Variants in AK8 observed in about 807,000 individuals in gnomAD.
AK8 encodes ATP-AMP transphosphorylase 8.
A neutral mutation model predicts 54.6 loss-of-function variants in AK8; 44 were observed. That is an observed-to-expected ratio of 0.81 (90% CI 0.63 to 1.04). The LOEUF is 1.04. AK8 is among the 50% of genes least tolerant of loss of function. The pLI is 0.00. For synonymous variants in AK8, 239 were observed against 245.6 expected (o/e 0.97, Z 0.25); for missense variants, 555 against 613.6 (o/e 0.90, Z 1.01).
At chr9:132,839,667 T>A (rs1469071798) in intron 5 of AK8, among the ~76,000 whole-genome samples, 1 of 152,196 alleles carries the variant, frequency 6.6e-6, no homozygotes, top group East Asian at 1.9e-4. Flanking sequence ...GCTCTGAGCC[T>A]CACAGTTAAG....
intron 5 of AK8, among the ~76,000 whole-genome samples, chr9:132,841,303 G>A (rs915424399): frequency 1.8e-4 from 27 of 152,176 alleles, no homozygotes; most frequent in Admixed American, 1.8e-3. Context: ...CACGTGTGGA[G>A]CCCATAAGAA....
chr9:132,865,875 T>C (rs967496835), intron 3 of AK8, among the ~76,000 whole-genome samples: 18 of 151,576 alleles, frequency 1.2e-4, no homozygotes, highest in African/African-American at 4.1e-4. Context: ...CTCAGATGAA[T>C]GAAATTTTAA....
intron 3 of AK8, among the ~76,000 whole-genome samples, chr9:132,866,642 G>A (rs1843609437): frequency 6.6e-6 from 1 of 152,166 alleles, no homozygotes; most frequent in Admixed American, 6.5e-5. Flanking sequence ...CGTGTATGCA[G>A]GCCAGAAAAA....
chr9:132,757,760 CTCTA>C (rs936903944), intron 11 of AK8, among the ~76,000 whole-genome samples: 15 of 152,160 alleles, frequency 9.9e-5, no homozygotes, highest in East Asian at 3.8e-4. Flanking sequence ...TACTGAAATA[CTCTA>C]TCTGTCTATC....
At chr9:132,730,631 G>A in intron 11 of AK8, among the ~76,000 whole-genome samples, 1 of 152,078 alleles carries the variant, frequency 6.6e-6, no homozygotes, top group Non-Finnish European at 1.5e-5. Context: ...AGGGGCATTG[G>A]AGGGAGCCCA....
intron 11 of AK8, among the ~76,000 whole-genome samples, chr9:132,744,942 T>C (rs189006043): frequency 1.4e-3 from 220 of 152,336 alleles, no homozygotes; most frequent in Non-Finnish European, 2.4e-3. Flanking sequence ...AGCCTCCATA[T>C]GAATCCGCCA....
chr9:132,835,072 G>A (rs1231115272), intron 5 of AK8, among the ~76,000 whole-genome samples: 3 of 152,106 alleles, frequency 2.0e-5, no homozygotes, highest in African/African-American at 7.2e-5. Context: ...GGGTTTCCCC[G>A]TGTTAGCCAG....
intron 9 of AK8, among the ~76,000 whole-genome samples, chr9:132,822,302 T>TATATACATATATGTGTATGTATATACAA (rs1841675685): frequency 6.9e-6 from 1 of 145,592 alleles, no homozygotes; most frequent in African/African-American, 2.5e-5. Flanking sequence ...TATATACAAA[T>TATATACATATATGTGTATGTATATACAA]ATATACATAT....
chr9:132,754,663 T>C (rs933495480), intron 11 of AK8, among the ~76,000 whole-genome samples: 12 of 152,176 alleles, frequency 7.9e-5, no homozygotes, highest in Non-Finnish European at 1.8e-4. Context: ...CAAGGGCAGC[T>C]TCTCCTCCTC....
At chr9:132,800,820 A>G (rs188741047) in intron 10 of AK8, among the ~76,000 whole-genome samples, 58 of 151,680 alleles carry the variant, frequency 3.8e-4, no homozygotes, top group African/African-American at 1.4e-3. Flanking sequence ...TACCATGTCT[A>G]CTCAGGCAAA....
chr9:132,787,862 T>C (rs1839782479), intron 11 of AK8, among the ~76,000 whole-genome samples: 1 of 152,108 alleles, frequency 6.6e-6, no homozygotes, highest in African/African-American at 2.4e-5. Context: ...CTTTGTCAAA[T>C]CAAGGGGGTA....
At chr9:132,851,573 T>C (rs1458523541) in intron 5 of AK8, among the ~76,000 whole-genome samples, 2 of 152,244 alleles carry the variant, frequency 1.3e-5, no homozygotes, top group African/African-American at 4.8e-5. Flanking sequence ...CGTGTGGGCC[T>C]GACCCTAAAC....
intron 11 of AK8, among the ~76,000 whole-genome samples, chr9:132,754,947 G>A (rs1246229069): frequency 1.3e-5 from 2 of 151,972 alleles, no homozygotes; most frequent in African/African-American, 4.8e-5. Context: ...TTACAGGCAT[G>A]TGCCACCACG....
chr9:132,774,540 T>C (rs61281423), intron 11 of AK8, among the ~76,000 whole-genome samples: 3,115 of 152,186 alleles, frequency 0.02, 91 homozygotes, highest in African/African-American at 0.068. Flanking sequence ...GTAAGGAAGA[T>C]GGAAAATTGA....
Position 132,803,619 on chromosome 9 carries a change from C to A in AK8, c.980-10844G>T, listed in dbSNP as rs1840571333. On this transcript the variant is annotated intron_variant, in intron 10 of 12. Transcript: ENST00000298545. The surrounding 1 kb of genome is among the most constrained non-coding windows in gnomAD (Gnocchi z 4.4). ...AAAGCTCGCCTTACAGATGGGAAAACTGAAGGGAGCTCTGAGGGGGCGCAT... is the reference window on the plus strand; with the variant it reads ...AAAGCTCGCCTTACAGATGGGAAAAATGAAGGGAGCTCTGAGGGGGCGCAT... Among the ~76,000 whole-genome samples the A allele has an allele frequency of 6.6e-6, 1 of 152,150 alleles. No homozygotes were observed. The highest frequency in any genetic ancestry group is 2.4e-5 in the African/African-American group (1 of 41,430).
intron 10 of AK8, among the ~76,000 whole-genome samples, chr9:132,813,273 C>T (rs1218599643): frequency 2.0e-5 from 3 of 152,156 alleles, no homozygotes; most frequent in Non-Finnish European, 4.4e-5. Context: ...TTGAACTCCA[C>T]CCCGCGGACT....
intron 11 of AK8, among the ~76,000 whole-genome samples, chr9:132,756,474 A>G (rs1301476995): frequency 1.3e-5 from 2 of 152,216 alleles, no homozygotes; most frequent in Non-Finnish European, 2.9e-5. Context: ...TTGCATACCT[A>G]AAAATTCACT....
intron 11 of AK8, among the ~76,000 whole-genome samples, chr9:132,772,615 G>A (rs1404178162): frequency 1.3e-5 from 2 of 152,154 alleles, no homozygotes; most frequent in African/African-American, 4.8e-5. Flanking sequence ...ACATTGCTGT[G>A]GCAGCCCCAG....
chr9:132,803,538 TG>T lies in AK8; in HGVS notation c.980-10764del, dbSNP rs1272336114. Among the ~76,000 whole-genome samples the T allele has an allele frequency of 6.6e-6, 1 of 152,178 alleles. No homozygotes were observed. On this transcript the variant is annotated intron_variant, in intron 10 of 12. Coordinates refer to ENST00000298545, the MANE Select transcript of AK8 (RefSeq NM_152572.3). This position sits in a 1 kb window ranked among gnomAD's most constrained non-coding sequence, Gnocchi z 4.4. ...ACCAGTGACCATAGTAAGTAATTAG[TG>T]AATTACAGACACAATTCCCTTTATA...
Sources: allele counts gnomAD v4.1 joint callset (sites outside exome capture counted in the v4.1 genomes callset), GRCh38; gene constraint gnomAD v4.1.1; non-coding constraint Gnocchi (gnomAD v3.1); transcripts MANE v1.5; gene names NCBI Gene and HGNC (gene_info 2026-07-23, HGNC 2026-07-21).